Variants in ACADM observed in about 807,000 individuals in gnomAD.
ACADM encodes medium-chain specific acyl-CoA dehydrogenase, mitochondrial.
A neutral mutation model predicts 58.9 loss-of-function variants in ACADM; 49 were observed. That is an observed-to-expected ratio of 0.83 (90% CI 0.66 to 1.06). The LOEUF (loss-of-function observed/expected upper bound fraction) is 1.06, where lower values mean the gene tolerates loss of function less well. Among genes scored for constraint, ACADM ranks in the 50% least tolerant of loss-of-function variants. The pLI is 0.00. For synonymous variants in ACADM, 160 were observed against 157.7 expected, an observed-to-expected ratio of 1.01 and a Z score of -0.11; for missense variants, 496 against 507.0, an observed-to-expected ratio of 0.98 and a Z score of 0.21.
At chr1:75,734,330 ATTT>A (rs35823639) in intron 5 of ACADM, among the ~76,000 whole-genome samples, 10 of 133,390 alleles carry the variant, frequency 7.5e-5, no homozygotes, top group East Asian at 4.5e-4. Context: ...TGCCCGGCTA[ATTT>A]TTTTTTTTTT....
chr1:75,732,512 T>G lies in ACADM; in HGVS notation c.119-132T>G, dbSNP rs1647163847. ...AGTGAACTCTTGATTAGTCAAAAAA[T>G]GCACTGTAGTCTGAGTTTCTGATAA... On this transcript the variant is annotated intron_variant, in intron 2 of 11. Coordinates refer to ENST00000370841, the MANE Select transcript of ACADM (RefSeq NM_000016.6). The G allele has an allele frequency of 3.9e-6, 3 of 764,568 alleles. No homozygotes were observed. The Admixed American group carries it at 5.9e-5, about 15-fold the overall frequency. 47.4% of individuals were successfully genotyped at this position (764,568 alleles called of 1,614,324 possible). A position where few individuals can be genotyped will look rare whatever the true frequency, so the allele number is the denominator to read the frequency against.
At position 75,741,468 on chromosome 1, in the gene ACADM, T is replaced by C. The variant is rs182039788; in HGVS notation, c.599+1358T>C. 2.0e-5 allele frequency among the ~76,000 whole-genome samples: 3 copies of C among 152,304 alleles called. No homozygotes were observed. In the East Asian group the frequency reaches 5.8e-4, roughly 29 times the overall value. The stretch of plus-strand genomic sequence containing the variant: ...ATGCAGTTTGAAGTTTTCGTAATTT[T>C]AAAAACGGATTAGCCAGGTGCAATC... On this transcript the variant is annotated intron_variant, in intron 7 of 11. Transcript: ENST00000370841.
intron 10 of ACADM, among the ~76,000 whole-genome samples, chr1:75,759,965 A>G (rs1253325839): frequency 6.6e-6 from 1 of 151,214 alleles, no homozygotes; most frequent in Admixed American, 6.6e-5. Flanking sequence ...CCAGCCAGCA[A>G]TTTCTTCTAG....
chr1:75,737,448 T>C (rs1294622383), intron 6 of ACADM, among the ~76,000 whole-genome samples: 1 of 151,296 alleles, frequency 6.6e-6, no homozygotes, highest in Non-Finnish European at 1.5e-5. Context: ...CACTGTATTA[T>C]GAAACAGACA....
chr1:75,740,574 T>A (rs1001823711), intron 7 of ACADM, among the ~76,000 whole-genome samples: 1 of 152,164 alleles, frequency 6.6e-6, no homozygotes, highest in African/African-American at 2.4e-5. Context: ...TGAAATTTTC[T>A]AATATATGGT....
intron 6 of ACADM, among the ~76,000 whole-genome samples, chr1:75,735,140 AC>A (rs1647220609): frequency 6.6e-6 from 1 of 151,730 alleles, no homozygotes; most frequent in African/African-American, 2.4e-5. Flanking sequence ...ACGTGGTGAA[AC>A]CCCATCTCTA....
At chr1:75,730,964 T>TAC (rs1369479177) in intron 2 of ACADM, among the ~76,000 whole-genome samples, 1 of 152,098 alleles carries the variant, frequency 6.6e-6, no homozygotes, top group African/African-American at 2.4e-5. Context: ...ATACTAGAAT[T>TAC]TCCTTACTCT....
At chr1:75,730,920 T>G (rs1647137358) in intron 2 of ACADM, among the ~76,000 whole-genome samples, 1 of 152,170 alleles carries the variant, frequency 6.6e-6, no homozygotes, top group South Asian at 2.1e-4. Flanking sequence ...ACTGAAATTC[T>G]TAAGTATACT....
chr1:75,740,210 T>C, intron 7 of ACADM, 100 bp downstream of exon 7: 1 of 1,281,704 alleles, frequency 7.8e-7, no homozygotes, highest in African/African-American at 1.5e-5. Context: ...AGTTAAGGTA[T>C]GTTTGTGGAA....
chr1:75,761,335 G>C lies in ACADM; in HGVS notation c.1159G>C (p.Val387Leu), dbSNP rs1057518630. The change falls in exon 11 of 12, where the codon GTA becomes CTA. Residue 387 changes from valine to leucine, a missense_variant. Val to Leu is a conservative substitution (Grantham distance 32). Coordinates refer to ENST00000370841, the MANE Select transcript of ACADM (RefSeq NM_000016.6). ...CAATGGATTTAATACAGAATATCCT[G>C]TAGAAAAACTAATGAGGGATGCCAA... ...GGNGFNTEYP[V>L]EKLMRDAKIY... is the part of the protein sequence containing the mutation. 1 of 1,614,024 alleles carries C rather than the reference G, an allele frequency of 6.2e-7. No homozygotes were observed. The highest frequency in any genetic ancestry group is 8.5e-7 in the Non-Finnish European group (1 of 1,179,962).
intron 7 of ACADM, chr1:75,743,929 G>C: frequency 1.3e-6 from 2 of 1,507,592 alleles, no homozygotes; most frequent in Non-Finnish European, 1.8e-6. Context: ...CTTCACAGAT[G>C]CCGACATGAA....
chr1:75,754,169 T>C (rs1648364980), intron 10 of ACADM, among the ~76,000 whole-genome samples: 1 of 151,204 alleles, frequency 6.6e-6, no homozygotes, highest in African/African-American at 2.4e-5. Flanking sequence ...GCTAGGTGTC[T>C]CTCAACCCAT....
chr1:75,732,339 ATAAGT>A (rs993451070), intron 2 of ACADM, among the ~76,000 whole-genome samples: 3 of 152,266 alleles, frequency 2.0e-5, no homozygotes, highest in Admixed American at 1.3e-4. Context: ...GGAACTAATA[ATAAGT>A]TAAACGTTTT....
chr1:75,744,098 A>G, intron 7 of ACADM: 2 of 1,588,794 alleles, frequency 1.3e-6, no homozygotes, highest in Non-Finnish European at 1.7e-6. Flanking sequence ...CATCCTGTTC[A>G]TTTTCTCCTG....
chr1:75,750,859 C>G (rs1648163559), intron 10 of ACADM: 1 of 395,704 alleles, frequency 2.5e-6, no homozygotes, highest in South Asian at 2.2e-5. Context: ...AGTAATTCTC[C>G]TGCCTCAGCC....
intron 9 of ACADM, 90 bp from the exon 10 acceptor site, chr1:75,750,359 CTT>C (rs1243746871): frequency 9.3e-7 from 1 of 1,075,680 alleles, no homozygotes; most frequent in African/African-American, 1.6e-5. Flanking sequence ...ATCACCTTCT[CTT>C]TGTACACTCC....
At chr1:75,758,544 G>A (rs1198295424) in intron 10 of ACADM, among the ~76,000 whole-genome samples, 2 of 152,152 alleles carry the variant, frequency 1.3e-5, no homozygotes, top group Non-Finnish European at 2.9e-5. Flanking sequence ...GGGTCGAGTG[G>A]GGACTTGGAG....
chr1:75,755,353 C>T (rs1170621535), intron 10 of ACADM, among the ~76,000 whole-genome samples: 1 of 152,188 alleles, frequency 6.6e-6, no homozygotes, highest in East Asian at 1.9e-4. Flanking sequence ...CTGGGAGAGA[C>T]CTCCCAGTAG....
At chr1:75,725,590 T>TA (rs1220092344) in intron 1 of ACADM, among the ~76,000 whole-genome samples, 7 of 151,974 alleles carry the variant, frequency 4.6e-5, no homozygotes, top group Admixed American at 1.3e-4. Flanking sequence ...AGGAAGGATC[T>TA]AAAAAAAACC....
Sources: gnomAD v4.1 joint callset for allele counts (sites outside exome capture counted in the v4.1 genomes callset) on GRCh38, gnomAD v4.1.1 for gene constraint, MANE v1.5 for transcripts, NCBI Gene and HGNC (gene_info 2026-07-23, HGNC 2026-07-21) for gene names.